ARRDC2: variants seen among roughly 807,000 people sequenced by gnomAD.
ARRDC2 encodes arrestin domain-containing protein 2.
Under a neutral mutation model 38.9 loss-of-function variants are expected in ARRDC2, and 39 were observed. The observed-to-expected ratio is 1.00, with a 90% confidence interval of 0.78 to 1.31. The LOEUF (loss-of-function observed/expected upper bound fraction) is 1.31, where lower values mean the gene tolerates loss of function less well. ARRDC2 is among the 50% of genes most tolerant of loss of function. The pLI, the probability that ARRDC2 is intolerant of heterozygous loss-of-function variation, is 0.00. For synonymous variants in ARRDC2, 300 were observed against 261.9 expected (o/e 1.15, Z -1.41); for missense variants, 553 against 588.4 (o/e 0.94, Z 0.62).
Position 18,009,597 on chromosome 19 carries a change from T to G in ARRDC2, c.495T>G (p.Pro165=). 6.2e-7 allele frequency: 1 copy of G among 1,601,262 alleles called. No homozygotes were observed. Among genetic ancestry groups the G allele is most frequent in the Non-Finnish European group, 8.5e-7 (1 of 1,170,674 alleles). The change falls in exon 4 of 8, where the codon CCT becomes CCG. Residue 165 remains proline, a synonymous_variant. Coordinates refer to ENST00000222250, the MANE Select transcript of ARRDC2 (RefSeq NM_015683.2). The part of the protein sequence containing the change: ...VDINTPALLA[P]QAGAREKVAR... Reference sequence around the variant, plus strand: ...ACTTTCCTCTACACCGACAGGCACCTCAAGCGGGGGCTCGGGAAAAGGTTG... The same window carrying G: ...ACTTTCCTCTACACCGACAGGCACCGCAAGCGGGGGCTCGGGAAAAGGTTG...
Position 18,008,974 on chromosome 19 carries a change from C to T in ARRDC2, c.345C>T (p.Thr115=), listed in dbSNP as rs148226511. ...EFLFSFQLPP[T]LVTSFEGKHG... ...AAGTCCCGTCCCTCCACCCTAGGACCCTGGTGACATCCTTCGAGGGCAAAC... is the reference window on the plus strand; with the variant it reads ...AAGTCCCGTCCCTCCACCCTAGGACTCTGGTGACATCCTTCGAGGGCAAAC... Residue 115 remains threonine (T), a synonymous_variant, in exon 3 of 8, where the codon ACC becomes ACT. Transcript: ENST00000222250. 1.6e-4 allele frequency: 266 copies of T among 1,613,606 alleles called. No homozygotes were observed. The African/African-American group carries it at 3.4e-3, about 21-fold the overall frequency.
At chr19:18,006,584 T>A (rs4808735), upstream of ARRDC2, among the ~76,000 whole-genome samples, 3 of 151,946 alleles carry the variant, frequency 2.0e-5, no homozygotes, top group South Asian at 2.1e-4. Flanking sequence ...GTCCAGCTTC[T>A]GCTCGGCATG....
chr19:18,003,626 ATTTT>A (rs34699376), upstream of ARRDC2, among the ~76,000 whole-genome samples: 7 of 142,482 alleles, frequency 4.9e-5, no homozygotes, highest in African/African-American at 1.3e-4. Flanking sequence ...ACGCTGGCTA[ATTTT>A]TGTTTGTTTG....
At chr19:18,006,245 A>C (rs567677745), upstream of ARRDC2, among the ~76,000 whole-genome samples, 75 of 152,134 alleles carry the variant, frequency 4.9e-4, no homozygotes, top group African/African-American at 1.7e-3. Context: ...CAGAGGCTGC[A>C]ATCTCGGCAC....
chr19:18,010,678 C>T lies in ARRDC2; in HGVS notation c.1119C>T (p.Phe373=), dbSNP rs756218047. Residue 373 remains phenylalanine, a synonymous_variant, in exon 7 of 8, where the codon TTC becomes TTT. Transcript: ENST00000222250. ...CCGACATGAGCCTTGAAGGCCCGTT[C>T]TTCGCCTACATCCAAGAGTTCCGCT... ...QDPDMSLEGP[F]FAYIQEFRYR... is the part of the protein sequence containing the mutation. 3.1e-6 allele frequency: 5 copies of T among 1,613,914 alleles called. No homozygotes were observed. The highest frequency in any genetic ancestry group is 1.7e-5 in the Admixed American group (1 of 60,028).
chr19:18,009,276 A>G, intron 3 of ARRDC2, 158 bp downstream of exon 3: 1 of 881,992 alleles, frequency 1.1e-6, no homozygotes, highest in East Asian at 2.7e-5. Context: ...TGGGATCTGC[A>G]CCCATTTGCC....
intron 7 of ARRDC2, among the ~76,000 whole-genome samples, chr19:18,011,224 C>T (rs1334774949): frequency 6.6e-6 from 1 of 152,142 alleles, no homozygotes; most frequent in East Asian, 1.9e-4. Flanking sequence ...TCTTGAACTC[C>T]TGACCTCAGG....
At chr19:18,001,127 G>A, upstream of ARRDC2, 1 of 514,820 alleles carries the variant, frequency 1.9e-6, no homozygotes, top group Non-Finnish European at 2.7e-6. Context: ...GGCGGATGCA[G>A]AGGACCAGGA....
At chr19:18,011,021 G>A (rs1227593435) in intron 7 of ARRDC2, among the ~76,000 whole-genome samples, 3 of 151,450 alleles carry the variant, frequency 2.0e-5, no homozygotes, top group Admixed American at 2.0e-4. Context: ...TTTTTGAGAT[G>A]GAGTTTCAGT....
upstream of ARRDC2, chr19:18,008,116 A>AGCCCCCCCC: frequency 8.4e-5 from 44 of 522,482 alleles, no homozygotes; most frequent in Non-Finnish European, 1.2e-4. Flanking sequence ...AGAGACGGTG[A>AGCCCCCCCC]CCCCACCCCC....
chr19:18,013,047 G>T lies in ARRDC2; in HGVS notation c.*81G>T. ...ACTGTGGGGAGTGGCTGGACCAAGG[G>T]CTGACCTCCCCGACTGCATCAAAGT... is the stretch of plus-strand genomic sequence containing the variant. On this transcript the variant is annotated 3_prime_UTR_variant, in exon 8 of 8. Coordinates refer to ENST00000222250, the MANE Select transcript of ARRDC2 (RefSeq NM_015683.2). The T allele has an allele frequency of 6.8e-7, 1 of 1,469,862 alleles. No individual in the cohort carries two copies. Among genetic ancestry groups the T allele is most frequent in the Non-Finnish European group, 9.4e-7 (1 of 1,061,406 alleles). 91.1% of individuals were successfully genotyped at this position (1,469,862 alleles called of 1,614,324 possible).
chr19:18,008,115 G>GTGGGGGCC, upstream of ARRDC2: 5 of 810,026 alleles, frequency 6.2e-6, no homozygotes, highest in Middle Eastern at 4.7e-4. Flanking sequence ...AAGAGACGGT[G>GTGGGGGCC]ACCCCACCCC....
chr19:18,008,116 A>AGG (rs2033317336), upstream of ARRDC2: 422 of 522,334 alleles, frequency 8.1e-4, no homozygotes, highest in Non-Finnish European at 1.1e-3. Context: ...AGAGACGGTG[A>AGG]CCCCACCCCC....
Position 18,008,594 on chromosome 19 carries a change from G to A in ARRDC2, c.274+10G>A. The A allele has an allele frequency of 6.3e-7, 1 of 1,592,048 alleles. No homozygotes were observed. Among genetic ancestry groups the A allele is most frequent in the Non-Finnish European group, 8.5e-7 (1 of 1,176,134 alleles). On this transcript the variant is annotated intron_variant, in intron 1 of 7. Transcript: ENST00000222250. ...ACGCTCCTGGCGCCAGGTACGGATGGAGGACCCCTGCTCCAACACCAGTTG... is the reference window on the plus strand; with the variant it reads ...ACGCTCCTGGCGCCAGGTACGGATGAAGGACCCCTGCTCCAACACCAGTTG...
At chr19:18,003,369 T>A (rs1394384467), upstream of ARRDC2, among the ~76,000 whole-genome samples, 4 of 150,688 alleles carry the variant, frequency 2.7e-5, no homozygotes, top group Non-Finnish European at 5.9e-5. Flanking sequence ...CATGTTCAAG[T>A]GATTCTGCAA....
rs1599403652 is a variant in ARRDC2 at position 18,013,121 on chromosome 19, G to C, written c.*155G>C. The C allele has an allele frequency of 1.1e-5, 8 of 732,736 alleles. No individual in the cohort carries two copies. In the East Asian group the frequency reaches 2.2e-4, roughly 20 times the overall value. The allele number at this position is 732,736 out of a possible 1,614,324, so 45.4% of individuals were successfully genotyped here. ...GGCGGGGGCCTTTCGGATATCACAT[G>C]GGACAGAGGAAGAGCCCGGCTGGAA... On this transcript the variant is annotated 3_prime_UTR_variant, in exon 8 of 8. Transcript: ENST00000222250.
upstream of ARRDC2, among the ~76,000 whole-genome samples, chr19:18,006,392 A>C (rs2145999023): frequency 6.6e-6 from 1 of 152,312 alleles, no homozygotes; most frequent in African/African-American, 2.4e-5. Context: ...CGGGAGGCTG[A>C]GGCTGGTGGA....
chr19:18,010,780 C>G (rs1332829257), intron 7 of ARRDC2, 51 bp downstream of exon 7: 1 of 1,582,392 alleles, frequency 6.3e-7, no homozygotes, highest in Admixed American at 1.8e-5. Flanking sequence ...CCCTGGGAGC[C>G]TTGATGGGGT....
chr19:18,004,107 G>A (rs1287663222), upstream of ARRDC2, among the ~76,000 whole-genome samples: 1 of 148,744 alleles, frequency 6.7e-6, no homozygotes, highest in Admixed American at 6.7e-5. Context: ...TTGGCTGGGC[G>A]CAGTGGCTTA....
Sources: gnomAD v4.1 joint callset for allele counts (sites outside exome capture counted in the v4.1 genomes callset) on GRCh38, gnomAD v4.1.1 for gene constraint, MANE v1.5 for transcripts, NCBI Gene and HGNC (gene_info 2026-07-23, HGNC 2026-07-21) for gene names.